The following MYOM2 variants were observed in gnomAD, a reference collection of about 807,000 sequenced individuals.
MYOM2 encodes myomesin 2.
MYOM2 carries 254 observed loss-of-function variants against 187.6 expected under a neutral mutation model. That is an observed-to-expected ratio of 1.35 (90% CI 1.22 to 1.50). The LOEUF (loss-of-function observed/expected upper bound fraction) is 1.50. MYOM2 is among the 40% of genes most tolerant of loss of function. The pLI, the probability that MYOM2 is intolerant of heterozygous loss-of-function variation, is 0.00. For missense variants in MYOM2, 2,796 were observed against 1,924.0 expected (o/e 1.45, Z -8.48); for synonymous variants, 981 against 753.8 (o/e 1.30, Z -4.94).
In MYOM2 at chr8:2,077,253, T is replaced by C. The variant is rs925330992; in HGVS notation, c.1262+971T>C. On this transcript the variant is annotated intron_variant, in intron 11 of 36. Coordinates refer to ENST00000262113, the MANE Select transcript of MYOM2 (RefSeq NM_003970.4). Reference sequence around the variant, plus strand: ...TGAACCAGGGAGGCGGTGGTTGCAGTGAGCCAAGATTGCGCCACTGGACTC... The same window carrying C: ...TGAACCAGGGAGGCGGTGGTTGCAGCGAGCCAAGATTGCGCCACTGGACTC... 2.0e-5 allele frequency among the ~76,000 whole-genome samples: 3 copies of C among 151,958 alleles called. No individual in the cohort carries two copies. In the East Asian group the frequency reaches 5.8e-4, roughly 29 times the overall value.
At chr8:2,127,581 C>G (rs1221083155) in intron 31 of MYOM2, among the ~76,000 whole-genome samples, 1 of 152,048 alleles carries the variant, frequency 6.6e-6, no homozygotes, top group Non-Finnish European at 1.5e-5. Flanking sequence ...GGCAGTACCT[C>G]GGCGTGACGC....
At chr8:2,067,978 G>C (rs1241362376) in intron 6 of MYOM2, among the ~76,000 whole-genome samples, 1 of 152,056 alleles carries the variant, frequency 6.6e-6, no homozygotes, top group African/African-American at 2.4e-5. Flanking sequence ...GAAGTTAATC[G>C]GTCTCTGCAC....
rs1563444432 is a variant in MYOM2, at chr8:2,085,517, CCCCCACTGTTGTGATCTCTGCGTGG to C, written c.1644+137_1644+161del. The C allele has an allele frequency of 8.5e-5, 43 of 506,842 alleles. 6 individuals are homozygous for C. Among genetic ancestry groups the C allele is most frequent in the Middle Eastern group, 6.2e-4 (1 of 1,614 alleles). The allele number at this position is 506,842 out of a possible 1,614,324, so 31.4% of individuals were successfully genotyped here. ...CTCACTGTTGTGATCTCCGCGTGGCCCCCCACTGTTGTGATCTCTGCGTGGCCCCACTGTCATGATCTCTGCGTGG... is the reference window on the plus strand; with the variant it reads ...CTCACTGTTGTGATCTCCGCGTGGCCCCCCACTGTCATGATCTCTGCGTGG... On this transcript the variant is annotated intron_variant, in intron 14 of 36. Transcript: ENST00000262113.
At position 2,092,359 on chromosome 8, in the gene MYOM2, T is replaced by A; in HGVS notation, c.1842T>A (p.Ala614=). 2 of 1,614,028 alleles carry A rather than the reference T, an allele frequency of 1.2e-6. No homozygotes were observed. Among genetic ancestry groups the A allele is most frequent in the Non-Finnish European group, 1.7e-6 (2 of 1,179,978 alleles). ...QAQDVTVVPS[A]PGRVLASRNT... ...TCCTACGAAAAGTTGTCCCTTCTGC[T>A]CCGGGTCGGGTTCTTGCTTCCCGAA... Residue 614 remains alanine, a synonymous_variant, in exon 16 of 37, where the codon GCT becomes GCA. Coordinates refer to ENST00000262113, the MANE Select transcript of MYOM2 (RefSeq NM_003970.4).
intron 23 of MYOM2, among the ~76,000 whole-genome samples, chr8:2,107,647 G>C (rs6992004): frequency 0.68 from 102,892 of 151,964 alleles, 35,734 homozygotes; most frequent in African/African-American, 0.83. Flanking sequence ...CAAGACACAG[G>C]CAGACAAATG....
At chr8:2,106,678 C>T in intron 23 of MYOM2, 81 bp downstream of exon 23, 1 of 1,049,728 alleles carries the variant, frequency 9.5e-7, no homozygotes, top group South Asian at 1.6e-5. Context: ...AAAAGACTTA[C>T]TTGCTTAGAA....
intron 13 of MYOM2, chr8:2,084,990 C>G (rs543675845): frequency 2.4e-5 from 10 of 415,784 alleles, no homozygotes; most frequent in African/African-American, 1.0e-4. Flanking sequence ...ATCCTTCCCC[C>G]TCTTCCAACA....
chr8:2,135,379 G>C (rs78058119), intron 32 of MYOM2, among the ~76,000 whole-genome samples: 2 of 151,888 alleles, frequency 1.3e-5, no homozygotes, highest in Non-Finnish European at 2.9e-5. Flanking sequence ...GTTACTGTTC[G>C]TATTTTGTTT....
At chr8:2,053,970 A>G (rs1002176740) in intron 3 of MYOM2, among the ~76,000 whole-genome samples, 3 of 152,180 alleles carry the variant, frequency 2.0e-5, no homozygotes, top group African/African-American at 7.2e-5. Flanking sequence ...GCAAGTTCTA[A>G]TTGAGATTTA....
chr8:2,079,645 G>T (rs1167528143), intron 13 of MYOM2, 32 bp downstream of exon 13: 1 of 1,608,340 alleles, frequency 6.2e-7, no homozygotes, highest in African/African-American at 1.3e-5. Flanking sequence ...CAGCTGCTCA[G>T]CCCCTGGGGA....
intron 9 of MYOM2, 136 bp from the exon 10 acceptor site, chr8:2,073,203 A>T: frequency 3.2e-6 from 3 of 930,988 alleles, no homozygotes; most frequent in Non-Finnish European, 4.8e-6. Flanking sequence ...GGATTTTACC[A>T]GGCTGAGGCT....
chr8:2,076,442 T>C (rs1433160647), intron 11 of MYOM2, 160 bp downstream of exon 11: 2 of 926,608 alleles, frequency 2.2e-6, no homozygotes, highest in African/African-American at 1.7e-5. Flanking sequence ...ATTTAGGTAA[T>C]TGGTAAATAC....
At chr8:2,058,627 A>G (rs949336075) in intron 5 of MYOM2, among the ~76,000 whole-genome samples, 8 of 152,194 alleles carry the variant, frequency 5.3e-5, no homozygotes, top group Non-Finnish European at 1.0e-4. Context: ...GCCACAGACC[A>G]GGCATATCGT....
At chr8:2,076,561 GCTCA>G (rs1473371724) in intron 11 of MYOM2, 1 of 418,268 alleles carries the variant, frequency 2.4e-6, no homozygotes, top group Non-Finnish European at 4.3e-6. Context: ...ACGTCTTCAG[GCTCA>G]CTCTGAGCCC....
In MYOM2 at chr8:2,098,988, G is replaced by A. The variant is rs1796593886; in HGVS notation, c.2440+5G>A. 1.3e-6 allele frequency: 2 copies of A among 1,599,726 alleles called. No individual in the cohort carries two copies. The highest frequency in any genetic ancestry group is 1.3e-5 in the African/African-American group (1 of 74,642). On this transcript the variant is annotated splice_donor_5th_base_variant and intron_variant, in intron 19 of 36. Transcript: ENST00000262113. ...CCTGGACCATGCCGGAGCCCGGTGA[G>A]TCGCTGCCCCCAGGACACCCGCGTT...
At chr8:2,090,451 T>C (rs576237942) in intron 15 of MYOM2, among the ~76,000 whole-genome samples, 4 of 152,378 alleles carry the variant, frequency 2.6e-5, no homozygotes, top group South Asian at 2.1e-4. Context: ...GTCACTTTTA[T>C]TGTTTTATTT....
At chr8:2,095,868 G>A (rs1017788139) in intron 17 of MYOM2, among the ~76,000 whole-genome samples, 1 of 152,158 alleles carries the variant, frequency 6.6e-6, no homozygotes, top group African/African-American at 2.4e-5. Context: ...ATGCAGAATA[G>A]TTATTCCTTA....
At position 2,071,913 on chromosome 8, in the gene MYOM2, G is replaced by T. The variant is rs562826530; in HGVS notation, c.794-432G>T. Among the ~76,000 whole-genome samples the T allele has an allele frequency of 3.2e-4, 49 of 152,134 alleles. 1 individual carries two copies. The highest frequency in any genetic ancestry group is 6.8e-3 in the Middle Eastern group (2 of 294). On this transcript the variant is annotated intron_variant, in intron 8 of 36. Transcript: ENST00000262113. ...CCAAGGGCGCTCATTCTCCCCTGGG[G>T]TCCCACTCTCACGATCTCATCCCAC...
chr8:2,073,631 A>G, intron 10 of MYOM2, 131 bp downstream of exon 10: 1 of 1,117,304 alleles, frequency 9.0e-7, no homozygotes, highest in South Asian at 1.9e-5. Context: ...TGGAGACCCC[A>G]TGCGGCCCCG....
Sources: allele counts gnomAD v4.1 joint callset (sites outside exome capture counted in the v4.1 genomes callset), GRCh38; gene constraint gnomAD v4.1.1; transcripts MANE v1.5; gene names NCBI Gene and HGNC (gene_info 2026-07-23, HGNC 2026-07-21).